SGSM3: variants seen among roughly 807,000 people sequenced by gnomAD.
The protein encoded by SGSM3 is small G protein signaling modulator 3, also known as RUN and SH3 containing 3.
Under a neutral mutation model 100.5 loss-of-function variants are expected in SGSM3, and 96 were observed. The observed-to-expected ratio is 0.96, with a 90% CI of 0.81 to 1.13. The LOEUF is 1.13. SGSM3 is among the 50% of genes most tolerant of loss of function. The pLI is 0.00. For synonymous variants in SGSM3, 483 were observed against 422.8 expected (o/e 1.14, Z -1.75); for missense variants, 1,001 against 1,015.8 (o/e 0.99, Z 0.20).
intron 1 of SGSM3, 24 bp from the exon 2 acceptor site, chr22:40,400,672 C>T (rs1000501591): frequency 1.5e-5 from 13 of 881,170 alleles, no homozygotes; most frequent in East Asian, 2.8e-5. Flanking sequence ...AATAGAATGA[C>T]TTTCCTCTTT....
rs1162211227 is a variant in SGSM3 at position 40,401,633 on chromosome 22, T to A, written c.48T>A (p.Thr16=). The A allele has an allele frequency of 6.2e-7, 1 of 1,613,478 alleles. No individual in the cohort carries two copies. Among genetic ancestry groups the A allele is most frequent in the Non-Finnish European group, 8.5e-7 (1 of 1,179,576 alleles). ...CCTGTGGCCCTTTCTCAGCCCTGAC[T>A]CCGAGCATATGGCCCCAGGAGATCT... ...TPACGPFSAL[T]PSIWPQEILA... is the part of the protein sequence containing the mutation. Residue 16 remains threonine, a synonymous_variant, in exon 3 of 22, where the codon ACT becomes ACA. Coordinates refer to ENST00000248929, the MANE Select transcript of SGSM3 (RefSeq NM_015705.6).
chr22:40,400,722 C>A lies in SGSM3; in HGVS notation c.-85C>A. 7.4e-7 allele frequency: 1 copy of A among 1,358,148 alleles called. No homozygotes were observed. Among genetic ancestry groups the A allele is most frequent in the Non-Finnish European group, 1.0e-6 (1 of 971,568 alleles). 84.1% of individuals were successfully genotyped at this position (1,358,148 alleles called of 1,614,324 possible). A position where few individuals can be genotyped will look rare whatever the true frequency, so the allele number is the denominator to read the frequency against. On this transcript the variant is annotated 5_prime_UTR_variant, in exon 2 of 22. Coordinates refer to ENST00000248929, the MANE Select transcript of SGSM3 (RefSeq NM_015705.6). The stretch of plus-strand genomic sequence containing the variant: ...GCAGATGATTCTGGACCAGATGAAG[C>A]CTGAGGAGCCTTCCAGCTCTAAGAT...
intron 1 of SGSM3, among the ~76,000 whole-genome samples, chr22:40,393,642 G>A (rs1423360443): frequency 6.6e-6 from 1 of 152,198 alleles, no homozygotes; most frequent in Non-Finnish European, 1.5e-5. Flanking sequence ...GTCTTAGTTT[G>A]TTTTGTGCTG....
intron 1 of SGSM3, among the ~76,000 whole-genome samples, chr22:40,373,765 A>G (rs1303472245): frequency 6.7e-6 from 1 of 150,050 alleles, no homozygotes; most frequent in Non-Finnish European, 1.5e-5. Flanking sequence ...GCAGGCGTGC[A>G]CCACCACACC....
At chr22:40,374,786 A>G (rs569065692) in intron 1 of SGSM3, among the ~76,000 whole-genome samples, 2 of 152,348 alleles carry the variant, frequency 1.3e-5, no homozygotes, top group Admixed American at 1.3e-4. Flanking sequence ...AGGCTGAGGC[A>G]GGAGGATTGC....
chr22:40,402,173 A>G lies in SGSM3; in HGVS notation c.125A>G (p.Tyr42Cys). The G allele has an allele frequency of 6.2e-7, 1 of 1,614,110 alleles. No homozygotes were observed. Among genetic ancestry groups the G allele is most frequent in the South Asian group, 1.1e-5 (1 of 91,084 alleles). The change falls in exon 4 of 22, where the codon TAC (tyrosine) becomes TGC (cysteine). Residue 42 changes from tyrosine to cysteine, a missense_variant. Transcript: ENST00000248929. Reference protein sequence around the residue: ...EESAEQPEFYYDEFGFRVYKE... With the variant: ...EESAEQPEFYCDEFGFRVYKE... Reference sequence around the variant, plus strand: ...TCAGCAGAGCAACCAGAGTTCTACTACGATGAGTTTGGTTTCCGTGTGTAC... The same window carrying G: ...TCAGCAGAGCAACCAGAGTTCTACTGCGATGAGTTTGGTTTCCGTGTGTAC...
intron 1 of SGSM3, among the ~76,000 whole-genome samples, chr22:40,386,691 G>A (rs1291577705): frequency 6.7e-6 from 1 of 149,796 alleles, no homozygotes; most frequent in East Asian, 2.0e-4. Context: ...CAAAGTGTTC[G>A]GGTTACATAT....
Position 40,408,356 on chromosome 22 carries a change from C to T in SGSM3, c.1709C>T (p.Ala570Val). Residue 570 changes from alanine to valine, a missense_variant, in exon 16 of 22, where the codon GCC becomes GTC. Coordinates refer to ENST00000248929, the MANE Select transcript of SGSM3 (RefSeq NM_015705.6). Reference sequence around the variant, plus strand: ...GGGACCCTCTGCCCGGCCCTTAAGGCCCTGTTCGAACATGGACTGAAGAAG... The same window carrying T: ...GGGACCCTCTGCCCGGCCCTTAAGGTCCTGTTCGAACATGGACTGAAGAAG... ...VRGTLCPALKALFEHGLKKPS... is the reference protein window; with the variant it reads ...VRGTLCPALKVLFEHGLKKPS... The T allele has an allele frequency of 6.2e-7, 1 of 1,613,598 alleles. No individual in the cohort carries two copies. The highest frequency in any genetic ancestry group is 1.1e-5 in the South Asian group (1 of 91,088).
At chr22:40,386,900 C>T (rs1429414481) in intron 1 of SGSM3, among the ~76,000 whole-genome samples, 4 of 152,026 alleles carry the variant, frequency 2.6e-5, no homozygotes, top group Non-Finnish European at 4.4e-5. Context: ...GAATTCTCTC[C>T]TAATTTATCT....
At chr22:40,399,828 C>T (rs78644856) in intron 1 of SGSM3, among the ~76,000 whole-genome samples, 1 of 152,212 alleles carries the variant, frequency 6.6e-6, no homozygotes, top group African/African-American at 2.4e-5. Flanking sequence ...GAGGGAGCGT[C>T]TCTCCCATTT....
At position 40,408,648 on chromosome 22, in the gene SGSM3, A is replaced by G; in HGVS notation, c.1804A>G (p.Arg602Gly). The G allele has an allele frequency of 6.2e-7, 1 of 1,613,978 alleles. No individual in the cohort carries two copies. Among genetic ancestry groups the G allele is most frequent in the South Asian group, 1.1e-5 (1 of 91,078 alleles). Residue 602 changes from arginine (R) to glycine (G), a missense_variant, in exon 17 of 22, where the codon AGA becomes GGA. Physicochemically the swap from Arg to Gly is moderately radical, Grantham distance 125. Coordinates refer to ENST00000248929, the MANE Select transcript of SGSM3 (RefSeq NM_015705.6). Reference sequence around the variant, plus strand: ...ACAGGCTGCAGGCCGGGAGGTCGAGAGAGACTTTGCCTCCGTGTATTCCCG... The same window carrying G: ...ACAGGCTGCAGGCCGGGAGGTCGAGGGAGACTTTGCCTCCGTGTATTCCCG... ...IEEAAGREVE[R>G]DFASVYSRLV... is the part of the protein sequence containing the mutation.
intron 1 of SGSM3, chr22:40,387,465 ATATT>A: frequency 2.9e-6 from 1 of 347,854 alleles, no homozygotes. Context: ...TGTGTAAACT[ATATT>A]TATGATCTCC....
At chr22:40,383,446 G>A (rs1021188691) in intron 1 of SGSM3, among the ~76,000 whole-genome samples, 1 of 147,376 alleles carries the variant, frequency 6.8e-6, no homozygotes, top group African/African-American at 2.5e-5. Flanking sequence ...CACCCTTGGC[G>A]ACAGAGCGAG....
chr22:40,407,299 C>A lies in SGSM3; in HGVS notation c.1339C>A (p.Gln447Lys), dbSNP rs140395314. 1.2e-6 allele frequency: 2 copies of A among 1,613,514 alleles called. No individual in the cohort carries two copies. Among genetic ancestry groups the A allele is most frequent in the African/African-American group, 2.7e-5 (2 of 74,948 alleles). ...EAILRVARHF[Q>K]CTDPKNCSVE... is the part of the protein sequence containing the mutation. ...CATCCTGCGCGTGGCACGCCACTTC[C>A]AGTGCACAGACCCCAAAAACTGCAG... The change falls in exon 12 of 22, where the codon CAG becomes AAG. Residue 447 changes from glutamine (Q) to lysine (K), a missense_variant. By Grantham distance (53) the Gln-to-Lys change is moderately conservative. Transcript: ENST00000248929. This position sits in a 1 kb window ranked among gnomAD's most constrained non-coding sequence, Gnocchi z 4.7.
At position 40,406,643 on chromosome 22, in the gene SGSM3, C is replaced by T. The variant is rs1464916250; in HGVS notation, c.1166C>T (p.Thr389Ile). 1.9e-6 allele frequency: 3 copies of T among 1,607,332 alleles called. No individual in the cohort carries two copies. The highest frequency in any genetic ancestry group is 1.7e-5 in the Admixed American group (1 of 59,740). The change falls in exon 10 of 22, where the codon ACC becomes ATC. Residue 389 changes from threonine to isoleucine, a missense_variant. Coordinates refer to ENST00000248929, the MANE Select transcript of SGSM3 (RefSeq NM_015705.6). ...CAGGGCCAGCTCCTGGGGGCCGGCA[C>T]CCTCACCAACCTCTCTCAGGTGGCC... ...ADQGQLLGAG[T>I]LTNLSQVVRR...
At position 40,409,538 on chromosome 22, in the gene SGSM3, G is replaced by T; in HGVS notation, c.2172+13G>T. The T allele has an allele frequency of 6.2e-7, 1 of 1,604,758 alleles. No homozygotes were observed. The highest frequency in any genetic ancestry group is 8.5e-7 in the Non-Finnish European group (1 of 1,176,518). ...TGCGAAGAGAGAGGTGGGTGGTGTG[G>T]GCCTCGTAGGGCCTGCACTGATGGA... On this transcript the variant is annotated intron_variant, in intron 21 of 21. Coordinates refer to ENST00000248929, the MANE Select transcript of SGSM3 (RefSeq NM_015705.6).
At chr22:40,394,097 G>A (rs55769635) in intron 1 of SGSM3, among the ~76,000 whole-genome samples, 35,234 of 152,062 alleles carry the variant, frequency 0.23, 4,674 homozygotes, top group Admixed American at 0.38. Flanking sequence ...TAGGCTCCCT[G>A]CTCTGCATTC....
intron 6 of SGSM3, 77 bp downstream of exon 6, chr22:40,404,741 C>T (rs987527147): frequency 2.0e-6 from 2 of 1,025,180 alleles, no homozygotes; most frequent in Non-Finnish European, 3.0e-6. Context: ...GCCTGGGGTT[C>T]TTAGAGTGTG....
intron 1 of SGSM3, among the ~76,000 whole-genome samples, chr22:40,371,858 G>T (rs575687235): frequency 6.6e-6 from 1 of 151,540 alleles, no homozygotes; most frequent in Non-Finnish European, 1.5e-5. Context: ...CACCACGCCC[G>T]GCTAATTTGT....
Sources: allele counts gnomAD v4.1 joint callset (sites outside exome capture counted in the v4.1 genomes callset), GRCh38; gene constraint gnomAD v4.1.1; non-coding constraint Gnocchi (gnomAD v3.1); transcripts MANE v1.5; gene names NCBI Gene and HGNC (gene_info 2026-07-23, HGNC 2026-07-21).